The following GJC2 variants were observed in gnomAD, a reference collection of about 807,000 sequenced individuals.
The protein encoded by GJC2 is gap junction protein gamma 2.
For synonymous variants in GJC2, 336 were observed against 307.5 expected (o/e 1.09, Z -0.97); for missense variants, 647 against 648.9 (o/e 1.00, Z 0.03).
intron 1 of GJC2, among the ~76,000 whole-genome samples, chr1:228,154,041 A>ACCCAGTTC (rs2034651147): frequency 6.6e-6 from 1 of 152,168 alleles, no homozygotes; most frequent in Admixed American, 6.5e-5. Flanking sequence ...TAGACCTCAC[A>ACCCAGTTC]CCCAGTTTCC....
At chr1:228,154,297 G>A (rs1408601308) in intron 1 of GJC2, among the ~76,000 whole-genome samples, 1 of 152,174 alleles carries the variant, frequency 6.6e-6, no homozygotes, top group Non-Finnish European at 1.5e-5. Context: ...ATGAACACTG[G>A]CCGGATGTTC....
At position 228,159,506 on chromosome 1, in the gene GJC2, A is replaced by C; in HGVS notation, c.*428A>C. On this transcript the variant is annotated 3_prime_UTR_variant, in exon 2 of 2. Transcript: ENST00000366714. This position sits in a 1 kb window ranked among gnomAD's most constrained non-coding sequence, Gnocchi z 4.0. ...GTGTCCCCATTCCCTGCAACAGCAA[A>C]TGGGGCTCCTTCTTCAGCCCTCCCC... 1.1e-5 allele frequency: 2 copies of C among 186,768 alleles called. No individual in the cohort carries two copies. The highest frequency in any genetic ancestry group is 1.2e-5 in the Non-Finnish European group (1 of 80,216). The allele number at this position is 186,768 out of a possible 1,614,324, so 11.6% of individuals were successfully genotyped here.
Position 228,158,775 on chromosome 1 carries a change from G to C in GJC2, c.1017G>C (p.Ala339=), listed in dbSNP as rs1444446068. 2 of 1,407,530 alleles carry C rather than the reference G, an allele frequency of 1.4e-6. No individual in the cohort carries two copies. The highest frequency in any genetic ancestry group is 1.5e-5 in the African/African-American group (1 of 65,154). 87.2% of individuals were successfully genotyped at this position (1,407,530 alleles called of 1,614,324 possible). ...CPPDYSLVVR[A]AERARAHDQN... The stretch of plus-strand genomic sequence containing the variant: ...CCGACTACAGCCTGGTGGTGCGGGC[G>C]GCCGAGCGCGCTCGGGCGCATGACC... The change falls in exon 2 of 2, where the codon GCG becomes GCC. Residue 339 remains alanine (A), a synonymous_variant. Coordinates refer to ENST00000366714, the MANE Select transcript of GJC2 (RefSeq NM_020435.4). This position sits in a 1 kb window ranked among gnomAD's most constrained non-coding sequence, Gnocchi z 8.3.
Position 228,158,379 on chromosome 1 carries a change from G to T in GJC2, c.621G>T (p.Glu207Asp). ...ATGGGCGGAGGCGCATCCAGCGGGA[G>T]GGCCTGATGCGCGTGTACGTGGCCC... is the stretch of plus-strand genomic sequence containing the variant. ...QHDGRRRIQR[E>D]GLMRVYVAQL... Residue 207 changes from glutamate to aspartate, a missense_variant, in exon 2 of 2, where the codon GAG becomes GAT. Coordinates refer to ENST00000366714, the MANE Select transcript of GJC2 (RefSeq NM_020435.4). The surrounding 1 kb of genome is among the most constrained non-coding windows in gnomAD (Gnocchi z 8.3). 6.2e-7 allele frequency: 1 copy of T among 1,602,416 alleles called. No homozygotes were observed.
chr1:228,154,091 T>C (rs1019548100), intron 1 of GJC2, among the ~76,000 whole-genome samples: 2 of 152,134 alleles, frequency 1.3e-5, no homozygotes, highest in Non-Finnish European at 2.9e-5. Flanking sequence ...ATGCTCCTCA[T>C]AATGAATGGA....
chr1:228,154,680 C>T (rs2034659428), intron 1 of GJC2, among the ~76,000 whole-genome samples: 1 of 152,238 alleles, frequency 6.6e-6, no homozygotes, highest in African/African-American at 2.4e-5. Flanking sequence ...CATTCAGTCA[C>T]GTACTTTGGC....
rs149136887 is a variant in GJC2 at position 228,153,581 on chromosome 1, C to CT, written c.-20+3594dup. Among the ~76,000 whole-genome samples the CT allele has an allele frequency of 7.8e-3, 729 of 93,124 alleles. 18 individuals are homozygous for CT. Among genetic ancestry groups the CT allele is most frequent in the East Asian group, 0.037 (129 of 3,478 alleles). The allele number at this position is 93,124 out of a possible 152,430, so 61.1% of individuals were successfully genotyped here. On this transcript the variant is annotated intron_variant, in intron 1 of 1. Transcript: ENST00000366714. ...TGTATTAAGACCCCATTTCTCTTTT[C>CT]TTTTTTTTTTTTTTTTTTTTGAGAC...
chr1:228,155,581 CCCAAG>C (rs2034668814), intron 1 of GJC2, among the ~76,000 whole-genome samples: 5 of 152,000 alleles, frequency 3.3e-5, no homozygotes, highest in Non-Finnish European at 7.4e-5. Flanking sequence ...TGGCAGCAGG[CCCAAG>C]AGAGAATTAC....
chr1:228,158,507 G>C lies in GJC2; in HGVS notation c.749G>C (p.Cys250Ser). 6.2e-7 allele frequency: 1 copy of C among 1,612,846 alleles called. No homozygotes were observed. The highest frequency in any genetic ancestry group is 1.3e-5 in the African/African-American group (1 of 75,010). The part of the protein sequence containing the change: ...RPFFPCSRQP[C>S]PHVVDCFVSR... ...TTCTTTCCCTGCAGCCGCCAGCCCT[G>C]CCCGCACGTGGTGGACTGCTTCGTG... Residue 250 changes from cysteine to serine, a missense_variant, in exon 2 of 2, where the codon TGC becomes TCC. Coordinates refer to ENST00000366714, the MANE Select transcript of GJC2 (RefSeq NM_020435.4). This position sits in a 1 kb window ranked among gnomAD's most constrained non-coding sequence, Gnocchi z 8.3.
At position 228,153,007 on chromosome 1, in the gene GJC2, G is replaced by A. The variant is rs75963603; in HGVS notation, c.-20+3000G>A. The stretch of plus-strand genomic sequence containing the variant: ...CAATCCTCATTTTGGGCACCCTGGA[G>A]GTGTAGCTTTGGGGTGAGATCTCTT... On this transcript the variant is annotated intron_variant, in intron 1 of 1. Transcript: ENST00000366714. Among the ~76,000 whole-genome samples the A allele has an allele frequency of 6.1e-3, 931 of 152,228 alleles. 12 individuals carry two copies. The highest frequency in any genetic ancestry group is 0.022 in the African/African-American group (902 of 41,554).
At chr1:228,155,679 CACT>C (rs1158430866) in intron 1 of GJC2, among the ~76,000 whole-genome samples, 1 of 152,160 alleles carries the variant, frequency 6.6e-6, no homozygotes, top group Non-Finnish European at 1.5e-5. Flanking sequence ...TTCCCAGGAC[CACT>C]ATGTGGGTGC....
In GJC2 at chr1:228,150,403, C is replaced by A. The variant is rs1165312044; in HGVS notation, c.-20+396C>A. ...CAGCTGCATTGTGTCCAGGCCCAGT[C>A]CCCCACCCTCAGCGGCCACCTGGAG... is the stretch of plus-strand genomic sequence containing the variant. On this transcript the variant is annotated intron_variant, in intron 1 of 1. Coordinates refer to ENST00000366714, the MANE Select transcript of GJC2 (RefSeq NM_020435.4). The surrounding 1 kb of genome is among the most constrained non-coding windows in gnomAD (Gnocchi z 4.6). 6.6e-6 allele frequency among the ~76,000 whole-genome samples: 1 copy of A among 152,144 alleles called. No individual in the cohort carries two copies. Among genetic ancestry groups the A allele is most frequent in the Non-Finnish European group, 1.5e-5 (1 of 67,984 alleles).
chr1:228,153,949 C>G (rs528102427), intron 1 of GJC2, among the ~76,000 whole-genome samples: 1 of 152,200 alleles, frequency 6.6e-6, no homozygotes, highest in Non-Finnish European at 1.5e-5. Flanking sequence ...GTAGTCCCAG[C>G]TACTCAGGAG....
intron 1 of GJC2, among the ~76,000 whole-genome samples, chr1:228,153,682 A>G (rs1399720057): frequency 1.3e-5 from 2 of 150,140 alleles, no homozygotes; most frequent in Non-Finnish European, 3.0e-5. Flanking sequence ...TCCCAGGTTC[A>G]AGCGATTCTC....
Position 228,159,011 on chromosome 1 carries a change from AGCC to A in GJC2, c.1254_1256del (p.Lys418_Pro419delinsAsn), listed in dbSNP as rs773338759. The A allele has an allele frequency of 2.2e-4, 348 of 1,607,556 alleles. No homozygotes were observed. Among genetic ancestry groups the A allele is most frequent in the Non-Finnish European group, 2.7e-4 (320 of 1,178,644 alleles). ...GGCACCCACGAGCGGCCAGGAGCCA[AGCC>A]CAGGGCTGGCTCCGAGAAGGGCAGT... On this transcript the variant is annotated inframe_deletion, in exon 2 of 2. Coordinates refer to ENST00000366714, the MANE Select transcript of GJC2 (RefSeq NM_020435.4). This position sits in a 1 kb window ranked among gnomAD's most constrained non-coding sequence, Gnocchi z 4.0.
At position 228,151,067 on chromosome 1, in the gene GJC2, C is replaced by T. The variant is rs1046004522; in HGVS notation, c.-20+1060C>T. Among the ~76,000 whole-genome samples, 1 of 152,152 alleles carries T rather than the reference C, an allele frequency of 6.6e-6. No individual in the cohort carries two copies. The highest frequency in any genetic ancestry group is 2.4e-5 in the African/African-American group (1 of 41,436). On this transcript the variant is annotated intron_variant, in intron 1 of 1. Transcript: ENST00000366714. The surrounding 1 kb of genome is among the most constrained non-coding windows in gnomAD (Gnocchi z 5.4). Reference sequence around the variant, plus strand: ...CCTCCAGAGGAGGAACAGCCCCTCACTTCTGGGCCTGACAGCTCTGTTCCT... The same window carrying T: ...CCTCCAGAGGAGGAACAGCCCCTCATTTCTGGGCCTGACAGCTCTGTTCCT...
intron 1 of GJC2, among the ~76,000 whole-genome samples, chr1:228,156,299 C>T (rs6663726): frequency 0.15 from 23,182 of 152,296 alleles, 3,102 homozygotes; most frequent in African/African-American, 0.35. Context: ...AAGAAGCATG[C>T]CTGTGGATGT....
rs967761767 is a variant in GJC2 at position 228,151,017 on chromosome 1, A to C, written c.-20+1010A>C. 3.3e-5 allele frequency among the ~76,000 whole-genome samples: 5 copies of C among 151,974 alleles called. No homozygotes were observed. Among genetic ancestry groups the C allele is most frequent in the Non-Finnish European group, 5.9e-5 (4 of 67,956 alleles). On this transcript the variant is annotated intron_variant, in intron 1 of 1. Coordinates refer to ENST00000366714, the MANE Select transcript of GJC2 (RefSeq NM_020435.4). This position sits in a 1 kb window ranked among gnomAD's most constrained non-coding sequence, Gnocchi z 5.4. ...CGATGACACACTCCCAGCCTGACCC[A>C]GGCCTAACTCGCCCCCTTGGTCCAC...
chr1:228,157,590 GGCTTCCACTTCCGTTTAA>G, intron 1 of GJC2, 132 bp from the exon 2 acceptor site: 4 of 606,032 alleles, frequency 6.6e-6, no homozygotes, highest in Non-Finnish European at 1.2e-5. Context: ...ATCAGGTGGG[GGCTTCCACTTCCGTTTAA>G]GGCGGTAAGC....
Sources: allele counts gnomAD v4.1 joint callset (sites outside exome capture counted in the v4.1 genomes callset), GRCh38; gene constraint gnomAD v4.1.1; non-coding constraint Gnocchi (gnomAD v3.1); transcripts MANE v1.5; gene names NCBI Gene and HGNC (gene_info 2026-07-23, HGNC 2026-07-21).